Variants in FRMD3 observed in about 807,000 individuals in gnomAD.
FRMD3 encodes FERM domain-containing protein 3.
A neutral mutation model predicts 70.2 loss-of-function variants in FRMD3; 33 were observed. The observed-to-expected ratio is 0.47, with a 90% confidence interval of 0.36 to 0.63. The LOEUF is 0.63. Among genes scored for constraint, FRMD3 ranks in the 20% least tolerant of loss-of-function variants. The probability of loss-of-function intolerance (pLI) is 0.00; values close to 1 mark genes in which losing one functional copy is unlikely to be tolerated. For missense variants in FRMD3, 632 were observed against 711.4 expected, an observed-to-expected ratio of 0.89 and a Z score of 1.27; for synonymous variants, 279 against 255.9, an observed-to-expected ratio of 1.09 and a Z score of -0.86.
At chr9:83,504,205 C>T (rs1415337024) in intron 1 of FRMD3, among the ~76,000 whole-genome samples, 1 of 152,122 alleles carries the variant, frequency 6.6e-6, no homozygotes, top group Non-Finnish European at 1.5e-5. Context: ...TTCACACAAA[C>T]GGAAAGCACC....
At chr9:83,363,202 A>G (rs1285422336) in intron 3 of FRMD3, among the ~76,000 whole-genome samples, 1 of 152,172 alleles carries the variant, frequency 6.6e-6, no homozygotes, top group South Asian at 2.1e-4. Context: ...AGGTAACCAC[A>G]GTTAAGTATA....
At chr9:83,523,247 A>T (rs1453501295) in intron 1 of FRMD3, among the ~76,000 whole-genome samples, 1 of 151,928 alleles carries the variant, frequency 6.6e-6, no homozygotes, top group East Asian at 1.9e-4. Context: ...AGAGTGGATG[A>T]GTGGATGGGT....
At chr9:83,463,586 C>A (rs1828036899) in intron 1 of FRMD3, among the ~76,000 whole-genome samples, 1 of 152,212 alleles carries the variant, frequency 6.6e-6, no homozygotes. Flanking sequence ...GTCCCTCCCA[C>A]AACACATGGG....
At chr9:83,262,708 T>C (rs1012864224) in intron 13 of FRMD3, among the ~76,000 whole-genome samples, 9 of 152,170 alleles carry the variant, frequency 5.9e-5, no homozygotes, top group African/African-American at 2.2e-4. Context: ...CTCTGTGTCT[T>C]TGCACAGACT....
At chr9:83,291,567 GTC>G (rs113797673) in intron 12 of FRMD3, among the ~76,000 whole-genome samples, 40 of 149,338 alleles carry the variant, frequency 2.7e-4, no homozygotes, top group African/African-American at 5.6e-4. Context: ...AATGCACACA[GTC>G]TCTCTCTCTC....
chr9:83,357,260 T>TA lies in FRMD3; in HGVS notation c.296-7504dup, dbSNP rs1452621742. Among the ~76,000 whole-genome samples, 89 of 55,246 alleles carry TA rather than the reference T, an allele frequency of 1.6e-3. 16 individuals are homozygous for TA. Among genetic ancestry groups the TA allele is most frequent in the African/African-American group, 9.7e-3 (83 of 8,558 alleles). The allele number at this position is 55,246 out of a possible 152,430, so 36.2% of individuals were successfully genotyped here. The stretch of plus-strand genomic sequence containing the variant: ...TATAATACATACATATATATATATA[T>TA]ATATATATATATATATATATATATA... On this transcript the variant is annotated intron_variant, in intron 3 of 13. Transcript: ENST00000304195.
chr9:83,488,589 C>G (rs1226894534), intron 1 of FRMD3, among the ~76,000 whole-genome samples: 1 of 152,286 alleles, frequency 6.6e-6, no homozygotes, highest in East Asian at 1.9e-4. Context: ...TTCCACTTTC[C>G]TAATATTTGA....
At chr9:83,284,277 CT>C (rs898318396) in intron 13 of FRMD3, among the ~76,000 whole-genome samples, 11 of 152,038 alleles carry the variant, frequency 7.2e-5, no homozygotes, top group African/African-American at 2.7e-4. Context: ...TAAACAGCTT[CT>C]GCTGTTTCAT....
At position 83,247,714 on chromosome 9, in the gene FRMD3, C is replaced by T; in HGVS notation, c.*204G>A. On this transcript the variant is annotated 3_prime_UTR_variant, in exon 14 of 14. Coordinates refer to ENST00000304195, the MANE Select transcript of FRMD3 (RefSeq NM_174938.6). ...TTTTGGTTATTTAAAGACCATCTTC[C>T]TAACCTGTAACTAAAATAACTGTAT... 7.1e-7 allele frequency: 1 copy of T among 1,402,302 alleles called. No homozygotes were observed. Among genetic ancestry groups the T allele is most frequent in the Non-Finnish European group, 9.3e-7 (1 of 1,072,814 alleles). The allele number at this position is 1,402,302 out of a possible 1,614,324, so 86.9% of individuals were successfully genotyped here.
intron 1 of FRMD3, among the ~76,000 whole-genome samples, chr9:83,415,300 G>C (rs939067743): frequency 2.2e-4 from 33 of 152,334 alleles, no homozygotes; most frequent in African/African-American, 7.7e-4. Context: ...AAGGCAGAGA[G>C]TGGCTCTGGA....
downstream of FRMD3, among the ~76,000 whole-genome samples, chr9:83,244,437 C>A (rs1042610890): frequency 6.6e-6 from 1 of 151,766 alleles, no homozygotes; most frequent in Non-Finnish European, 1.5e-5. Context: ...TGCTAGTATT[C>A]CTGCTTTGGG....
At chr9:83,369,577 AAAATAAATAAATAAATAAAT>A (rs138276429) in intron 3 of FRMD3, among the ~76,000 whole-genome samples, 7 of 142,166 alleles carry the variant, frequency 4.9e-5, no homozygotes, top group East Asian at 4.1e-4. Flanking sequence ...ACTCTGTCTC[AAAATAAATAAATAAATAAAT>A]AAATAAATAA....
At chr9:83,330,771 C>T (rs993445598) in intron 6 of FRMD3, among the ~76,000 whole-genome samples, 2 of 152,158 alleles carry the variant, frequency 1.3e-5, no homozygotes, top group African/African-American at 4.8e-5. Context: ...CCCAGAAAGC[C>T]AAAAATATTT....
intron 1 of FRMD3, among the ~76,000 whole-genome samples, chr9:83,486,859 T>C (rs1182123183): frequency 1.3e-5 from 2 of 152,100 alleles, no homozygotes; most frequent in African/African-American, 4.8e-5. Flanking sequence ...CCCCACTAAG[T>C]CCTTTGATAG....
chr9:83,314,039 C>A (rs547856491), intron 6 of FRMD3, among the ~76,000 whole-genome samples: 6 of 152,326 alleles, frequency 3.9e-5, no homozygotes, highest in African/African-American at 1.2e-4. Context: ...CAGGCCCTTG[C>A]AAATTCAACC....
chr9:83,467,848 G>T, intron 1 of FRMD3: 3 of 1,347,636 alleles, frequency 2.2e-6, no homozygotes, highest in South Asian at 2.0e-5. Context: ...ATAGGTTGAT[G>T]GTTTTTTAAA....
the FRMD3 span, among the ~76,000 whole-genome samples, chr9:83,550,818 A>G: frequency 6.6e-6 from 1 of 151,804 alleles, no homozygotes; most frequent in Admixed American, 6.6e-5. Flanking sequence ...ATTTTTGTAC[A>G]TTGATTTTGT....
At chr9:83,521,043 G>A (rs997804994) in intron 1 of FRMD3, among the ~76,000 whole-genome samples, 3 of 151,396 alleles carry the variant, frequency 2.0e-5, no homozygotes, top group Non-Finnish European at 4.4e-5. Context: ...GGAGGCTGAG[G>A]CAGGAGAATC....
chr9:83,545,356 G>GTTTTTTTT, the FRMD3 span, among the ~76,000 whole-genome samples: 5 of 117,612 alleles, frequency 4.3e-5, no homozygotes, highest in Non-Finnish European at 5.2e-5. Flanking sequence ...GTTTTTTTTT[G>GTTTTTTTT]TTTTTTTTTT....
Sources: allele counts gnomAD v4.1 joint callset (sites outside exome capture counted in the v4.1 genomes callset), GRCh38; gene constraint gnomAD v4.1.1; transcripts MANE v1.5; gene names NCBI Gene and HGNC (gene_info 2026-07-23, HGNC 2026-07-21).